Variants in WDR27 observed in about 807,000 individuals in gnomAD.
The protein encoded by WDR27 is WD repeat domain 27.
Under a neutral mutation model 114.4 loss-of-function variants are expected in WDR27, and 100 were observed. The observed-to-expected ratio is 0.87, with a 90% CI of 0.74 to 1.03. WDR27 has a LOEUF of 1.03. Ranked by LOEUF, WDR27 falls within the 50% of genes least tolerant of loss-of-function variation. WDR27 has a pLI of 0.00. For missense variants in WDR27, 1,129 were observed against 1,092.9 expected, an observed-to-expected ratio of 1.03 and a Z score of -0.47; for synonymous variants, 449 against 423.1, an observed-to-expected ratio of 1.06 and a Z score of -0.75.
chr6:169,658,305 C>A lies in WDR27; in HGVS notation c.1373G>T (p.Ser458Ile). The A allele has an allele frequency of 3.7e-6, 6 of 1,602,078 alleles. No individual in the cohort carries two copies. The highest frequency in any genetic ancestry group is 4.3e-6 in the Non-Finnish European group (5 of 1,174,664). The change falls in exon 13 of 26, where the codon AGT becomes ATT. Residue 458 changes from serine (S) to isoleucine (I), a missense_variant. Physicochemically the swap from Ser to Ile is moderately radical, Grantham distance 142. Coordinates refer to ENST00000448612, the MANE Select transcript of WDR27 (RefSeq NM_182552.5). ...PLYLGIAKEKSTKAASEQRRA... is the reference protein window; with the variant it reads ...PLYLGIAKEKITKAASEQRRA... ...TCGCTGTTCACTAGCAGCCTTGGTACTCTTCTCCTTGGCAATTCCCAGATA... is the reference window on the plus strand; with the variant it reads ...TCGCTGTTCACTAGCAGCCTTGGTAATCTTCTCCTTGGCAATTCCCAGATA...
intron 2 of WDR27, among the ~76,000 whole-genome samples, chr6:169,674,387 A>C (rs1459833849): frequency 6.6e-6 from 1 of 152,256 alleles, no homozygotes; most frequent in Non-Finnish European, 1.5e-5. Context: ...GAAGATATTT[A>C]AAAGTCCCAA....
chr6:169,675,021 T>C (rs1481122244), intron 2 of WDR27, among the ~76,000 whole-genome samples: 1 of 152,130 alleles, frequency 6.6e-6, no homozygotes, highest in Non-Finnish European at 1.5e-5. Flanking sequence ...GAACAGGCCA[T>C]TTTCACTTCT....
chr6:169,495,415 C>T (rs1790273495), intron 25 of WDR27, among the ~76,000 whole-genome samples: 1 of 151,492 alleles, frequency 6.6e-6, no homozygotes, highest in Non-Finnish European at 1.5e-5. Flanking sequence ...AAACTAAATC[C>T]AGGGCTAGCA....
At chr6:169,473,198 C>T (rs1330332739) in intron 25 of WDR27, among the ~76,000 whole-genome samples, 2 of 152,144 alleles carry the variant, frequency 1.3e-5, no homozygotes, top group African/African-American at 4.8e-5. Context: ...GGCTAGGAAC[C>T]AGATCTCTTA....
At chr6:169,523,936 G>A in intron 25 of WDR27, among the ~76,000 whole-genome samples, 1 of 152,004 alleles carries the variant, frequency 6.6e-6, no homozygotes, top group East Asian at 1.9e-4. Context: ...TGGAAGCCCT[G>A]GCCAGAGCAA....
intron 25 of WDR27, among the ~76,000 whole-genome samples, chr6:169,463,463 T>A (rs1238831767): frequency 1.3e-5 from 2 of 152,214 alleles, no homozygotes; most frequent in East Asian, 3.8e-4. Context: ...ACTAAAAGCT[T>A]TTCCTTTAAG....
the WDR27 span, among the ~76,000 whole-genome samples, chr6:169,431,183 A>T: frequency 1.1e-4 from 16 of 152,220 alleles, no homozygotes; most frequent in Admixed American, 7.9e-4. Flanking sequence ...TAATATATTT[A>T]TCTTTCTAAT....
intron 25 of WDR27, among the ~76,000 whole-genome samples, chr6:169,466,355 A>G (rs557259313): frequency 1.3e-5 from 2 of 152,318 alleles, no homozygotes; most frequent in East Asian, 3.9e-4. Flanking sequence ...AGATTTCCAC[A>G]TGGCTGGGGA....
intron 22 of WDR27, among the ~76,000 whole-genome samples, chr6:169,608,908 G>T (rs539729306): frequency 1.3e-5 from 2 of 152,286 alleles, no homozygotes; most frequent in African/African-American, 4.8e-5. Flanking sequence ...ATACAATGGG[G>T]GTACAGGCAT....
rs1191609814 is a variant in WDR27, at chr6:169,640,979, A to AGACTGAGAAATGTGTTTTTC, written c.1748-2339_1748-2320dup. ...CTACTCATGCCCTTCCTTCTTAGTGAGACTGAGAAATGTGTTTTTCTCGTC... is the reference window on the plus strand; with the variant it reads ...CTACTCATGCCCTTCCTTCTTAGTGAGACTGAGAAATGTGTTTTTCGACTGAGAAATGTGTTTTTCTCGTC... On this transcript the variant is annotated intron_variant, in intron 17 of 25. Transcript: ENST00000448612. Among the ~76,000 whole-genome samples the AGACTGAGAAATGTGTTTTTC allele has an allele frequency of 1.5e-3, 235 of 152,296 alleles. 1 individual carries two copies. Among genetic ancestry groups the AGACTGAGAAATGTGTTTTTC allele is most frequent in the African/African-American group, 5.4e-3 (224 of 41,550 alleles).
chr6:169,457,903 A>G (rs866444671), intron 25 of WDR27, among the ~76,000 whole-genome samples: 2 of 150,944 alleles, frequency 1.3e-5, no homozygotes, highest in Non-Finnish European at 2.9e-5. Context: ...GGCATGGAAC[A>G]TCCTGGTTAG....
At chr6:169,432,535 A>T in the WDR27 span, among the ~76,000 whole-genome samples, 5 of 152,154 alleles carry the variant, frequency 3.3e-5, no homozygotes, top group Non-Finnish European at 5.9e-5. Flanking sequence ...GTCCTACAAG[A>T]TCTGATGGTT....
At chr6:169,444,430 CA>C in the WDR27 span, among the ~76,000 whole-genome samples, 2 of 152,224 alleles carry the variant, frequency 1.3e-5, no homozygotes, top group African/African-American at 2.4e-5. Context: ...CAGCAGCACT[CA>C]ACTGTGAGAT....
chr6:169,697,900 CTT>C (rs201454065), intron 1 of WDR27, among the ~76,000 whole-genome samples: 2,738 of 152,158 alleles, frequency 0.018, 45 homozygotes, highest in Non-Finnish European at 0.024. Flanking sequence ...TCTTTTATCT[CTT>C]TGTCTTGTGT....
intron 25 of WDR27, among the ~76,000 whole-genome samples, chr6:169,493,778 A>G (rs1790069254): frequency 6.6e-6 from 1 of 152,104 alleles, no homozygotes; most frequent in Admixed American, 6.6e-5. Context: ...TTTTTGTATG[A>G]TTTTCAGGTA....
At chr6:169,680,904 A>C (rs1781358201) in intron 2 of WDR27, among the ~76,000 whole-genome samples, 1 of 152,242 alleles carries the variant, frequency 6.6e-6, no homozygotes, top group African/African-American at 2.4e-5. Flanking sequence ...GAGTTTCAAA[A>C]TACATAAAGT....
At chr6:169,432,022 T>C in the WDR27 span, among the ~76,000 whole-genome samples, 1 of 152,226 alleles carries the variant, frequency 6.6e-6, no homozygotes, top group Admixed American at 6.5e-5. Flanking sequence ...TTTATCCTCC[T>C]GTAATCTAAA....
At chr6:169,564,396 C>T (rs9396965) in intron 25 of WDR27, among the ~76,000 whole-genome samples, 89,574 of 151,900 alleles carry the variant, frequency 0.59, 29,123 homozygotes, top group Non-Finnish European at 0.72. Flanking sequence ...AACACCCTCA[C>T]AGACACAGCC....
chr6:169,506,326 A>G (rs1791995825), intron 25 of WDR27, among the ~76,000 whole-genome samples: 1 of 152,300 alleles, frequency 6.6e-6, no homozygotes, highest in South Asian at 2.1e-4. Context: ...TTACCTAACA[A>G]ATGTTGAGCA....
Sources: allele counts gnomAD v4.1 joint callset (sites outside exome capture counted in the v4.1 genomes callset), GRCh38; gene constraint gnomAD v4.1.1; transcripts MANE v1.5; gene names NCBI Gene and HGNC (gene_info 2026-07-23, HGNC 2026-07-21).